Variants in GRIK1 observed in about 807,000 individuals in gnomAD.
GRIK1 encodes the protein glutamate ionotropic receptor kainate type subunit 1, also known as glutamate receptor ionotropic, kainate 1.
In GRIK1, 69 loss-of-function variants were observed where a neutral mutation model predicts 105.7. The ratio of observed to expected loss-of-function variants is 0.65; its 90% CI spans 0.54 to 0.80. GRIK1 has a LOEUF of 0.80. GRIK1 is among the 30% of genes least tolerant of loss of function. The pLI, the probability that GRIK1 is intolerant of heterozygous loss-of-function variation, is 0.00. For synonymous variants in GRIK1, 438 were observed against 431.3 expected (o/e 1.02, Z -0.19); for missense variants, 1,109 against 1,167.3 (o/e 0.95, Z 0.73).
rs925704332 is a variant in GRIK1, at chr21:29,938,807, A to G, written c.118+576T>C. Among the ~76,000 whole-genome samples, 7 of 151,434 alleles carry G rather than the reference A, an allele frequency of 4.6e-5. No individual in the cohort carries two copies. The East Asian group carries it at 1.2e-3, about 25-fold the overall frequency. ...GAAGTCAGATCTGAACTCTGCCCCA[A>G]TCTAGTGGAACCCGTCAGAGTTGGC... On this transcript the variant is annotated intron_variant, in intron 1 of 17. Coordinates refer to ENST00000327783, the MANE Select transcript of GRIK1 (RefSeq NM_001330994.2).
At chr21:29,622,785 G>T (rs1032318332) in intron 7 of GRIK1, among the ~76,000 whole-genome samples, 1 of 152,056 alleles carries the variant, frequency 6.6e-6, no homozygotes. Context: ...TCCTCAATAG[G>T]TCACTTGCAC....
intron 3 of GRIK1, among the ~76,000 whole-genome samples, chr21:29,674,287 T>TTGTG (rs58544191): frequency 1.9e-3 from 271 of 145,852 alleles, no homozygotes; most frequent in African/African-American, 4.3e-3. Context: ...GAAGTTACAT[T>TTGTG]TGTGTGTGTG....
intron 1 of GRIK1, among the ~76,000 whole-genome samples, chr21:29,918,360 G>A (rs148875595): frequency 2.4e-3 from 362 of 152,084 alleles, no homozygotes; most frequent in Middle Eastern, 0.01. Flanking sequence ...AAAGCCCAGC[G>A]AAGTAGACAT....
intron 1 of GRIK1, among the ~76,000 whole-genome samples, chr21:29,883,835 A>G (rs1376030794): frequency 6.6e-6 from 1 of 152,056 alleles, no homozygotes; most frequent in Non-Finnish European, 1.5e-5. Flanking sequence ...CAGAATAGCT[A>G]TATTCTGCAG....
intron 13 of GRIK1, among the ~76,000 whole-genome samples, chr21:29,579,486 G>T (rs1046765473): frequency 2.5e-4 from 38 of 152,128 alleles, no homozygotes; most frequent in Admixed American, 2.5e-3. Context: ...AGCCAATCCT[G>T]ATCCAGACTT....
rs552657992 is a variant in GRIK1, at chr21:29,694,249, G to A, written c.119-186C>T. 8.2e-5 allele frequency among the ~76,000 whole-genome samples: 12 copies of A among 147,124 alleles called. No individual in the cohort carries two copies. The South Asian group carries it at 1.3e-3, about 16-fold the overall frequency. ...AGCGATTCTCCTGCCTCAGCCTCCC[G>A]AGTAGCTAGGACTGCATGTGTGCAC... On this transcript the variant is annotated intron_variant, in intron 1 of 17. Coordinates refer to ENST00000327783, the MANE Select transcript of GRIK1 (RefSeq NM_001330994.2).
chr21:29,538,959 T>C (rs948564825), intron 16 of GRIK1, among the ~76,000 whole-genome samples: 1 of 152,198 alleles, frequency 6.6e-6, no homozygotes, highest in Non-Finnish European at 1.5e-5. Context: ...CTATCAGATG[T>C]ATGTCTCTTA....
intron 1 of GRIK1, among the ~76,000 whole-genome samples, chr21:29,811,710 C>A (rs1279994281): frequency 6.6e-6 from 1 of 152,118 alleles, no homozygotes; most frequent in African/African-American, 2.4e-5. Context: ...CAAAATCCTC[C>A]CGTGACTTCC....
intron 1 of GRIK1, among the ~76,000 whole-genome samples, chr21:29,740,883 G>A (rs2064909980): frequency 6.6e-6 from 1 of 152,088 alleles, no homozygotes; most frequent in African/African-American, 2.4e-5. Context: ...GGGAGGGAAG[G>A]GCAATTCACC....
intron 1 of GRIK1, among the ~76,000 whole-genome samples, chr21:29,846,667 T>C (rs1289001103): frequency 6.6e-6 from 1 of 151,590 alleles, no homozygotes; most frequent in East Asian, 2.0e-4. Context: ...ATGACACATT[T>C]TGTAGAGGAA....
Position 29,888,198 on chromosome 21 carries a change from T to TTC in GRIK1, c.118+51184_118+51185insGA, listed in dbSNP as rs1555905563. Among the ~76,000 whole-genome samples the TTC allele has an allele frequency of 8.6e-4, 33 of 38,244 alleles. 4 individuals are homozygous for TTC. Among genetic ancestry groups the TTC allele is most frequent in the South Asian group, 2.9e-3 (2 of 694 alleles). 25.1% of individuals were successfully genotyped at this position (38,244 alleles called of 152,430 possible). On this transcript the variant is annotated intron_variant, in intron 1 of 17. Coordinates refer to ENST00000327783, the MANE Select transcript of GRIK1 (RefSeq NM_001330994.2). ...CTTTCTTTCTTCCTTTCTTTCTTTC[T>TTC]CTCTCTCTCTCTCTCTCTCTCTCTC...
intron 1 of GRIK1, among the ~76,000 whole-genome samples, chr21:29,845,818 G>A (rs923925979): frequency 2.6e-5 from 4 of 152,190 alleles, no homozygotes; most frequent in African/African-American, 9.6e-5. Flanking sequence ...TGAAGAATTG[G>A]GTGTGGAGGG....
At chr21:29,721,473 C>T (rs1375349001) in intron 1 of GRIK1, among the ~76,000 whole-genome samples, 1 of 151,738 alleles carries the variant, frequency 6.6e-6, no homozygotes, top group African/African-American at 2.4e-5. Context: ...TGTAAATCCT[C>T]CTTTCATGAA....
rs773751949 is a variant in GRIK1, at chr21:29,715,287, C to A, written c.119-21224G>T. ...CAGTCTGATGAGTTAGCAGTTTCCC[C>A]TAGGACTATCATAATCTGCTGACGC... On this transcript the variant is annotated intron_variant, in intron 1 of 17. Coordinates refer to ENST00000327783, the MANE Select transcript of GRIK1 (RefSeq NM_001330994.2). Among the ~76,000 whole-genome samples, 3 of 152,240 alleles carry A rather than the reference C, an allele frequency of 2.0e-5. No individual in the cohort carries two copies. In the South Asian group the frequency reaches 6.2e-4, roughly 32 times the overall value.
intron 14 of GRIK1, among the ~76,000 whole-genome samples, chr21:29,572,168 C>T (rs1046582030): frequency 2.0e-5 from 3 of 152,090 alleles, no homozygotes; most frequent in Admixed American, 1.3e-4. Context: ...GCAAAAAAGC[C>T]GAAACTTTTC....
At chr21:29,868,980 G>C (rs2068920635) in intron 1 of GRIK1, among the ~76,000 whole-genome samples, 1 of 152,138 alleles carries the variant, frequency 6.6e-6, no homozygotes, top group African/African-American at 2.4e-5. Context: ...ACAGTGAAAT[G>C]AAAAGTAAAT....
intron 1 of GRIK1, among the ~76,000 whole-genome samples, chr21:29,770,623 T>A (rs1488819580): frequency 2.6e-5 from 4 of 152,246 alleles, no homozygotes; most frequent in African/African-American, 9.6e-5. Flanking sequence ...ATTACTCAAA[T>A]AAATCTAGTT....
At chr21:29,865,885 T>C (rs1268068141) in intron 1 of GRIK1, among the ~76,000 whole-genome samples, 1 of 152,218 alleles carries the variant, frequency 6.6e-6, no homozygotes, top group African/African-American at 2.4e-5. Flanking sequence ...TCACCATCGT[T>C]TGTGACGATG....
In GRIK1 at chr21:29,769,993, T is replaced by C. The variant is rs1274944532; in HGVS notation, c.119-75930A>G. On this transcript the variant is annotated intron_variant, in intron 1 of 17. Transcript: ENST00000327783. Reference sequence around the variant, plus strand: ...AGTGACAAAGATGTGAGTATGATGTTGTTTTTTATAGTAGTTCACCCTACA... The same window carrying C: ...AGTGACAAAGATGTGAGTATGATGTCGTTTTTTATAGTAGTTCACCCTACA... 3.3e-5 allele frequency among the ~76,000 whole-genome samples: 5 copies of C among 152,198 alleles called. No individual in the cohort carries two copies. In the East Asian group the frequency reaches 9.6e-4, roughly 29 times the overall value.
Sources: allele counts gnomAD v4.1 joint callset (sites outside exome capture counted in the v4.1 genomes callset), GRCh38; gene constraint gnomAD v4.1.1; transcripts MANE v1.5; gene names NCBI Gene and HGNC (gene_info 2026-07-23, HGNC 2026-07-21).